Variants in MDFIC2 observed in about 807,000 individuals in gnomAD.
MDFIC2 encodes the protein myoD family inhibitor domain-containing protein 2.
At chr3:70,203,579 T>C (rs1358044324) in intron 3 of MDFIC2, among the ~76,000 whole-genome samples, 1 of 152,122 alleles carries the variant, frequency 6.6e-6, no homozygotes. Flanking sequence ...TCTGAGCAAA[T>C]GAACTGAAAT....
intron 2 of MDFIC2, among the ~76,000 whole-genome samples, chr3:70,207,563 C>T (rs894999912): frequency 3.9e-5 from 6 of 151,962 alleles, no homozygotes; most frequent in Non-Finnish European, 7.4e-5. Context: ...GTTGGCCCTC[C>T]GTATCTGTGG....
At chr3:70,307,397 G>A (rs909061201) in intron 2 of MDFIC2, among the ~76,000 whole-genome samples, 7 of 152,044 alleles carry the variant, frequency 4.6e-5, no homozygotes, top group African/African-American at 1.7e-4. Context: ...TCATCTTGAT[G>A]TTTCTCTTCC....
At chr3:70,212,345 C>T (rs1049281871) in intron 2 of MDFIC2, among the ~76,000 whole-genome samples, 2 of 151,996 alleles carry the variant, frequency 1.3e-5, no homozygotes, top group African/African-American at 4.8e-5. Context: ...TCTACTAAGC[C>T]CCTCATTCTT....
chr3:70,289,754 C>T (rs1702211325), intron 2 of MDFIC2, among the ~76,000 whole-genome samples: 2 of 152,114 alleles, frequency 1.3e-5, no homozygotes, highest in African/African-American at 2.4e-5. Flanking sequence ...AGGGTTTGCT[C>T]GTTTCTTTTT....
In MDFIC2 at chr3:70,195,629, A is replaced by C. The variant is rs1312013181; in HGVS notation, c.*1297T>G. Among the ~76,000 whole-genome samples, 1 of 152,174 alleles carries C rather than the reference A, an allele frequency of 6.6e-6. No individual in the cohort carries two copies. Among genetic ancestry groups the C allele is most frequent in the East Asian group, 1.9e-4 (1 of 5,198 alleles). Reference sequence around the variant, plus strand: ...TTGCTGTTTCCCTAAATTACACACAAAAAAATTCCCTCAATTCTCCATTTC... The same window carrying C: ...TTGCTGTTTCCCTAAATTACACACACAAAAATTCCCTCAATTCTCCATTTC... On this transcript the variant is annotated 3_prime_UTR_variant, in exon 4 of 4. Coordinates refer to ENST00000567252, the MANE Select transcript of MDFIC2 (RefSeq NM_001364677.1).
chr3:70,207,431 C>T (rs1701303297), intron 2 of MDFIC2, among the ~76,000 whole-genome samples: 2 of 151,936 alleles, frequency 1.3e-5, no homozygotes, highest in Admixed American at 1.3e-4. Flanking sequence ...AACTGTCTGG[C>T]ACAATAGCTA....
At chr3:70,297,041 G>A (rs910868702) in intron 2 of MDFIC2, among the ~76,000 whole-genome samples, 1 of 151,918 alleles carries the variant, frequency 6.6e-6, no homozygotes, top group African/African-American at 2.4e-5. Flanking sequence ...TAACCAAGGT[G>A]TGCTGATTGA....
intron 2 of MDFIC2, among the ~76,000 whole-genome samples, chr3:70,242,132 G>A (rs1364247656): frequency 6.6e-6 from 1 of 152,202 alleles, no homozygotes; most frequent in African/African-American, 2.4e-5. Context: ...GGATGAAAAG[G>A]AGTCTTGGAG....
intron 2 of MDFIC2, among the ~76,000 whole-genome samples, chr3:70,268,474 C>CACAA (rs1701944664): frequency 1.0e-5 from 1 of 96,616 alleles, no homozygotes; most frequent in Non-Finnish European, 2.0e-5. Context: ...GACTCCGTCT[C>CACAA]AAAAAAAAAA....
rs552611209 is a variant in MDFIC2 at position 70,301,829 on chromosome 3, A to G, written c.88+10057T>C. ...AGCAGATATATTTTGGTAACTCTAC[A>G]GGAAGTTTAATTTTCTATCTATAAT... is the stretch of plus-strand genomic sequence containing the variant. On this transcript the variant is annotated intron_variant, in intron 2 of 3. Coordinates refer to ENST00000567252, the MANE Select transcript of MDFIC2 (RefSeq NM_001364677.1). Among the ~76,000 whole-genome samples, 57 of 152,216 alleles carry G rather than the reference A, an allele frequency of 3.7e-4. 1 individual carries two copies. The South Asian group carries it at 6.2e-3, about 17-fold the overall frequency.
chr3:70,244,031 A>G (rs1045417372), intron 2 of MDFIC2, among the ~76,000 whole-genome samples: 1 of 152,116 alleles, frequency 6.6e-6, no homozygotes, highest in African/African-American at 2.4e-5. Context: ...TGACTCACAT[A>G]TGGAAGATTC....
chr3:70,283,914 C>T (rs1421641811), intron 2 of MDFIC2: 1 of 152,004 alleles, frequency 6.6e-6, no homozygotes, highest in Non-Finnish European at 1.5e-5. Flanking sequence ...AATACATGTG[C>T]TATTAATAAT....
At chr3:70,203,314 T>C (rs917175252) in intron 3 of MDFIC2, among the ~76,000 whole-genome samples, 3 of 152,224 alleles carry the variant, frequency 2.0e-5, no homozygotes, top group Admixed American at 6.5e-5. Context: ...TCCAAAAGTG[T>C]AAAAATCGGT....
rs148431030 is a variant in MDFIC2 at position 70,241,865 on chromosome 3, A to T, written c.89-35075T>A. Among the ~76,000 whole-genome samples the T allele has an allele frequency of 1.4e-4, 21 of 152,334 alleles. No individual in the cohort carries two copies. In the East Asian group the frequency reaches 4.1e-3, roughly 29 times the overall value. ...TTTGCTCAAGCTCACACAGTGTGTAAGTAGTAGAGATGGGCTTAGAACGAA... is the reference window on the plus strand; with the variant it reads ...TTTGCTCAAGCTCACACAGTGTGTATGTAGTAGAGATGGGCTTAGAACGAA... On this transcript the variant is annotated intron_variant, in intron 2 of 3. Coordinates refer to ENST00000567252, the MANE Select transcript of MDFIC2 (RefSeq NM_001364677.1).
chr3:70,274,080 TGTGTGTGTGTGC>T (rs1003740783), intron 2 of MDFIC2, among the ~76,000 whole-genome samples: 28 of 149,448 alleles, frequency 1.9e-4, no homozygotes, highest in African/African-American at 5.4e-4. Context: ...TGTGTGTGTG[TGTGTGTGTGTGC>T]GCGCGCGCAT....
chr3:70,278,833 C>T (rs1480216218), intron 2 of MDFIC2, among the ~76,000 whole-genome samples: 4 of 151,914 alleles, frequency 2.6e-5, no homozygotes, highest in Admixed American at 2.0e-4. Flanking sequence ...TAAAGGATAG[C>T]AAGCCACCTC....
intron 2 of MDFIC2, among the ~76,000 whole-genome samples, chr3:70,260,941 G>A (rs961438489): frequency 3.3e-5 from 5 of 152,108 alleles, no homozygotes; most frequent in Admixed American, 6.6e-5. Flanking sequence ...TGAGTCCAGG[G>A]AAGATAAGTG....
intron 2 of MDFIC2, among the ~76,000 whole-genome samples, chr3:70,274,093 G>A (rs1207505727): frequency 1.7e-5 from 2 of 119,888 alleles, no homozygotes; most frequent in Non-Finnish European, 3.6e-5. Context: ...GTGTGTGTGC[G>A]CGCGCGCATG....
At chr3:70,222,782 G>T (rs1159890981) in intron 2 of MDFIC2, among the ~76,000 whole-genome samples, 1 of 152,104 alleles carries the variant, frequency 6.6e-6, no homozygotes, top group Non-Finnish European at 1.5e-5. Flanking sequence ...AATAATTGTG[G>T]TAGACTGGAA....
Sources: allele counts gnomAD v4.1 joint callset (sites outside exome capture counted in the v4.1 genomes callset), GRCh38; gene constraint gnomAD v4.1.1; transcripts MANE v1.5; gene names NCBI Gene and HGNC (gene_info 2026-07-23, HGNC 2026-07-21).